PRCP: variants seen among roughly 807,000 people sequenced by gnomAD.
PRCP encodes lysosomal Pro-X carboxypeptidase.
A neutral mutation model predicts 54.2 loss-of-function variants in PRCP; 46 were observed. The observed-to-expected ratio is 0.85, with a 90% CI of 0.67 to 1.09. PRCP has a LOEUF of 1.09. PRCP is among the 50% of genes least tolerant of loss of function. The pLI is 0.00. For synonymous variants in PRCP, 240 were observed against 212.2 expected (o/e 1.13, Z -1.14); for missense variants, 613 against 596.8 (o/e 1.03, Z -0.28).
chr11:82,828,371 GTC>G (rs10604245), intron 8 of PRCP: 43,249 of 151,882 alleles, frequency 0.28, 6,850 homozygotes, highest in African/African-American at 0.43. Context: ...CCAGTCCCAG[GTC>G]TGCCTCTCAT....
At chr11:82,885,557 T>C (rs1859843855) in intron 1 of PRCP, among the ~76,000 whole-genome samples, 1 of 152,228 alleles carries the variant, frequency 6.6e-6, no homozygotes, top group African/African-American at 2.4e-5. Flanking sequence ...AAGAACGCAT[T>C]TTTATTCTAA....
chr11:82,896,175 C>G (rs180869625), intron 1 of PRCP, among the ~76,000 whole-genome samples: 1 of 152,158 alleles, frequency 6.6e-6, no homozygotes, highest in Non-Finnish European at 1.5e-5. Flanking sequence ...ATGTGGCTTT[C>G]ATTTGTTACG....
At chr11:82,896,313 T>C (rs770983828) in intron 1 of PRCP, among the ~76,000 whole-genome samples, 5 of 152,140 alleles carry the variant, frequency 3.3e-5, no homozygotes, top group African/African-American at 4.8e-5. Flanking sequence ...ATTTTTTGGA[T>C]GAGATTAACA....
rs955294146 is a variant in PRCP, at chr11:82,823,132, T to A, written c.*1774A>T. Reference sequence around the variant, plus strand: ...GGATACAATTATGCTTGCCAAAAAATTCTATTTTTTGCAGTTTGTTTCTTC... The same window carrying A: ...GGATACAATTATGCTTGCCAAAAAAATCTATTTTTTGCAGTTTGTTTCTTC... On this transcript the variant is annotated 3_prime_UTR_variant, in exon 9 of 9. Coordinates refer to ENST00000313010, the MANE Select transcript of PRCP (RefSeq NM_005040.4). Among the ~76,000 whole-genome samples the A allele has an allele frequency of 4.9e-4, 74 of 152,300 alleles. 1 individual carries two copies. The highest frequency in any genetic ancestry group is 4.8e-3 in the Admixed American group (74 of 15,296).
intron 1 of PRCP, among the ~76,000 whole-genome samples, chr11:82,895,169 C>T (rs1860090816): frequency 6.6e-6 from 1 of 152,140 alleles, no homozygotes; most frequent in Non-Finnish European, 1.5e-5. Context: ...ACACATACCA[C>T]CTCTTTTTAC....
In PRCP at chr11:82,837,394, G is replaced by A. The variant is rs549607476; in HGVS notation, c.1274+993C>T. Among the ~76,000 whole-genome samples the A allele has an allele frequency of 5.9e-5, 9 of 152,296 alleles. No homozygotes were observed. In the South Asian group the frequency reaches 1.9e-3, roughly 32 times the overall value. On this transcript the variant is annotated intron_variant, in intron 8 of 8. Transcript: ENST00000313010. ...CTTGCAAGATGGCAATGCTCAAGCT[G>A]GTGATATATCCATTGCCTACTTTAA...
chr11:82,897,283 G>C (rs991781147), intron 1 of PRCP, among the ~76,000 whole-genome samples: 2 of 152,150 alleles, frequency 1.3e-5, no homozygotes, highest in African/African-American at 4.8e-5. Context: ...TAAAGTAAAA[G>C]ATAAAAAGAA....
chr11:82,849,067 C>T lies in PRCP; in HGVS notation c.903G>A (p.Leu301=). The change falls in exon 6 of 9, where the codon TTG becomes TTA. Residue 301 remains leucine (L), a synonymous_variant. Coordinates refer to ENST00000313010, the MANE Select transcript of PRCP (RefSeq NM_005040.4). ...CTATTACCTTGATAGGCCAAGCAGG[C>T]AAAGGCTGTAAAAAGTTAGAGGCAT... ...YPYASNFLQP[L]PAWPIKVVCQ... 6.2e-7 allele frequency: 1 copy of T among 1,613,664 alleles called. No individual in the cohort carries two copies. Among genetic ancestry groups the T allele is most frequent in the East Asian group, 2.2e-5 (1 of 44,858 alleles).
rs578136463 is a variant in PRCP at position 82,899,829 on chromosome 11, T to C, written c.168+406A>G. ...CAATATTTTCTAATAGGTAAAGATA[T>C]TAAAATTTGTATTTAGGGCTGCCTT... is the stretch of plus-strand genomic sequence containing the variant. On this transcript the variant is annotated intron_variant, in intron 1 of 8. Transcript: ENST00000313010. 4.5e-4 allele frequency: 86 copies of C among 190,468 alleles called. 2 individuals carry two copies. The South Asian group carries it at 6.6e-3, about 15-fold the overall frequency. The allele number at this position is 190,468 out of a possible 1,614,324, so 11.8% of individuals were successfully genotyped here. A position where few individuals can be genotyped will look rare whatever the true frequency, so the allele number is the denominator to read the frequency against.
chr11:82,890,608 A>T (rs981718573), intron 1 of PRCP, among the ~76,000 whole-genome samples: 2 of 152,070 alleles, frequency 1.3e-5, no homozygotes, highest in Non-Finnish European at 2.9e-5. Context: ...CTACCACACC[A>T]TATTTCTGCT....
chr11:82,898,962 T>C lies in PRCP; in HGVS notation c.168+1273A>G, dbSNP rs1206456983. ...GAGTTCAAGACCAGCCTAGGCAAGA[T>C]GACAAAATCCCATCTCTATTTTTAA... On this transcript the variant is annotated intron_variant, in intron 1 of 8. Transcript: ENST00000313010. Among the ~76,000 whole-genome samples the C allele has an allele frequency of 2.6e-5, 4 of 151,772 alleles. No homozygotes were observed. The East Asian group carries it at 7.7e-4, about 29-fold the overall frequency.
In PRCP at chr11:82,839,445, A is replaced by T. The variant is rs1383836322; in HGVS notation, c.922-20T>A. On this transcript the variant is annotated intron_variant, in intron 6 of 8. Transcript: ENST00000313010. The stretch of plus-strand genomic sequence containing the variant: ...CACTACCTGTCATTTTAGAAAGATA[A>T]ATGGGGAAAGAGTCAGAATATGAAT... The T allele has an allele frequency of 1.9e-6, 3 of 1,595,448 alleles. No individual in the cohort carries two copies. The highest frequency in any genetic ancestry group is 1.9e-4 in the Middle Eastern group (1 of 5,324).
chr11:82,829,713 C>T (rs934518232), intron 8 of PRCP: 1 of 152,142 alleles, frequency 6.6e-6, no homozygotes, highest in African/African-American at 2.4e-5. Flanking sequence ...TTCTACATCT[C>T]CAAGTTCCTA....
At chr11:82,882,875 AG>A (rs1859784356) in intron 1 of PRCP, among the ~76,000 whole-genome samples, 21 of 149,176 alleles carry the variant, frequency 1.4e-4, no homozygotes, top group South Asian at 4.2e-4. Flanking sequence ...ACACACACAC[AG>A]CCCTACTGCC....
intron 1 of PRCP, among the ~76,000 whole-genome samples, chr11:82,881,652 A>T (rs1859752255): frequency 6.6e-6 from 1 of 152,210 alleles, no homozygotes. Flanking sequence ...ATATGGTACA[A>T]ACTGGTAACC....
chr11:82,852,663 T>C (rs1858984781), intron 3 of PRCP, among the ~76,000 whole-genome samples: 1 of 152,198 alleles, frequency 6.6e-6, no homozygotes, highest in Non-Finnish European at 1.5e-5. Flanking sequence ...AGGTAGAGTC[T>C]GTGACAAAGG....
chr11:82,877,482 A>AG (rs1468360015), intron 1 of PRCP, among the ~76,000 whole-genome samples: 6 of 152,180 alleles, frequency 3.9e-5, no homozygotes, highest in Non-Finnish European at 8.8e-5. Flanking sequence ...GGCTGAGCCC[A>AG]GGGTCCCCAT....
chr11:82,867,606 C>A (rs1287190379), intron 1 of PRCP, among the ~76,000 whole-genome samples: 1 of 152,194 alleles, frequency 6.6e-6, no homozygotes, highest in Non-Finnish European at 1.5e-5. Flanking sequence ...AGCTCAAGCT[C>A]CCAAATTAGA....
At chr11:82,901,445 C>A (rs1357544495), upstream of PRCP, 1 of 160,064 alleles carries the variant, frequency 6.2e-6, no homozygotes, top group Non-Finnish European at 1.4e-5. Context: ...GCTTCCATTC[C>A]CTCTTTCAGT....
Sources: allele counts gnomAD v4.1 joint callset (sites outside exome capture counted in the v4.1 genomes callset), GRCh38; gene constraint gnomAD v4.1.1; transcripts MANE v1.5; gene names NCBI Gene and HGNC (gene_info 2026-07-23, HGNC 2026-07-21).